RXRA: variants seen among roughly 807,000 people sequenced by gnomAD.
The protein encoded by RXRA is retinoic acid receptor RXR-alpha.
A neutral mutation model predicts 44.5 loss-of-function variants in RXRA; 5 were observed. The observed-to-expected ratio is 0.11, with a 90% CI of 0.06 to 0.24. The LOEUF (loss-of-function observed/expected upper bound fraction) is 0.24, where lower values mean the gene tolerates loss of function less well. RXRA is among the 10% of genes least tolerant of loss of function. RXRA has a pLI of 1.00. For missense variants in RXRA, 412 were observed against 646.5 expected (o/e 0.64, Z 3.93); for synonymous variants, 291 against 271.4 (o/e 1.07, Z -0.71).
intron 9 of RXRA, among the ~76,000 whole-genome samples, chr9:134,435,563 T>C (rs910875267): frequency 6.6e-6 from 1 of 152,184 alleles, no homozygotes; most frequent in Non-Finnish European, 1.5e-5. Flanking sequence ...CCCACAGCCC[T>C]GCACAAGGTG....
At chr9:134,367,976 T>C (rs1008790666) in intron 1 of RXRA, among the ~76,000 whole-genome samples, 3 of 152,256 alleles carry the variant, frequency 2.0e-5, no homozygotes, top group African/African-American at 7.2e-5. Context: ...GCTCGGCCGA[T>C]AAGCCGCTCC....
At chr9:134,386,106 G>C (rs1343193267) in intron 1 of RXRA, among the ~76,000 whole-genome samples, 2 of 152,244 alleles carry the variant, frequency 1.3e-5, no homozygotes, top group African/African-American at 4.8e-5. Context: ...AAGGGGAACT[G>C]GGCCGCCGGG....
intron 1 of RXRA, among the ~76,000 whole-genome samples, chr9:134,368,896 A>ATGTGTGGGGGGAGT (rs1830449574): frequency 3.1e-5 from 1 of 31,774 alleles, no homozygotes; most frequent in South Asian, 1.1e-3. Flanking sequence ...TGCAGGGGTT[A>ATGTGTGGGGGGAGT]TGTGTGTGTG....
chr9:134,382,906 G>A (rs965781416), intron 1 of RXRA, among the ~76,000 whole-genome samples: 5 of 152,188 alleles, frequency 3.3e-5, no homozygotes, highest in African/African-American at 1.2e-4. Context: ...TCGAGTTCTT[G>A]GAGCGTGCCG....
intron 1 of RXRA, among the ~76,000 whole-genome samples, chr9:134,392,601 T>A (rs1381814858): frequency 6.6e-6 from 1 of 152,174 alleles, no homozygotes. Context: ...CCCTCCTGAC[T>A]TCTGGGTCCC....
intron 1 of RXRA, among the ~76,000 whole-genome samples, chr9:134,391,622 G>C (rs1830801067): frequency 6.6e-6 from 1 of 152,162 alleles, no homozygotes; most frequent in Non-Finnish European, 1.5e-5. Flanking sequence ...TGGAAGGGAG[G>C]CTGCGCTGCC....
In RXRA at chr9:134,392,751, C is replaced by T. The variant is rs534609461; in HGVS notation, c.29-8881C>T. Among the ~76,000 whole-genome samples the T allele has an allele frequency of 1.6e-4, 25 of 152,296 alleles. No homozygotes were observed. In the East Asian group the frequency reaches 1.9e-3, roughly 12 times the overall value. On this transcript the variant is annotated intron_variant, in intron 1 of 9. Coordinates refer to ENST00000481739, the MANE Select transcript of RXRA (RefSeq NM_002957.6). ...CCTAAAAGGGCCAGCCTCAGATTTGCGGTCCCTGGTCCTGGCCCCTGGGTT... is the reference window on the plus strand; with the variant it reads ...CCTAAAAGGGCCAGCCTCAGATTTGTGGTCCCTGGTCCTGGCCCCTGGGTT...
In RXRA at chr9:134,365,224, C is replaced by A. The variant is rs777373277; in HGVS notation, c.29-36408C>A. Among the ~76,000 whole-genome samples the A allele has an allele frequency of 1.3e-5, 2 of 152,188 alleles. No homozygotes were observed. The highest frequency in any genetic ancestry group is 2.4e-5 in the African/African-American group (1 of 41,440). ...CCATCTCCCGGAGTTCTCTTGAGGG[C>A]CCCTGTCTTACGGATGAGGAGATAG... On this transcript the variant is annotated intron_variant, in intron 1 of 9. Transcript: ENST00000481739. The surrounding 1 kb of genome is among the most constrained non-coding windows in gnomAD (Gnocchi z 4.0).
intron 1 of RXRA, among the ~76,000 whole-genome samples, chr9:134,364,378 G>A (rs1000538353): frequency 6.6e-6 from 1 of 152,232 alleles, no homozygotes; most frequent in East Asian, 1.9e-4. Flanking sequence ...GCATTGATGG[G>A]CAGCTGACCC....
Position 134,406,961 on chromosome 9 carries a change from GC to G in RXRA, c.280-1186del, listed in dbSNP as rs1412003705. ...TGGGCATTTGGTGAGTCACACAGTG[GC>G]CACCCGCTTCTCCAGTGGGAGCTTC... On this transcript the variant is annotated intron_variant, in intron 2 of 9. Transcript: ENST00000481739. 3.9e-5 allele frequency among the ~76,000 whole-genome samples: 6 copies of G among 152,302 alleles called. No homozygotes were observed. In the East Asian group the frequency reaches 1.2e-3, roughly 29 times the overall value.
intron 4 of RXRA, among the ~76,000 whole-genome samples, chr9:134,411,867 G>C (rs1042878968): frequency 6.6e-6 from 1 of 152,180 alleles, no homozygotes; most frequent in Non-Finnish European, 1.5e-5. Context: ...CAGCCTGGCT[G>C]TGTGGGCTGC....
At chr9:134,347,871 C>T (rs1273728960) in intron 1 of RXRA, among the ~76,000 whole-genome samples, 5 of 152,062 alleles carry the variant, frequency 3.3e-5, no homozygotes, top group Non-Finnish European at 5.9e-5. Context: ...CTGGGCCTGT[C>T]CTGACAGTGG....
chr9:134,341,720 C>T (rs1230857752), intron 1 of RXRA, among the ~76,000 whole-genome samples: 2 of 152,208 alleles, frequency 1.3e-5, no homozygotes, highest in Admixed American at 6.5e-5. Context: ...TCTTCCCGCC[C>T]TCCATGGGGA....
chr9:134,338,369 G>A (rs1407517089), intron 1 of RXRA, among the ~76,000 whole-genome samples: 1 of 152,234 alleles, frequency 6.6e-6, no homozygotes, highest in Non-Finnish European at 1.5e-5. Flanking sequence ...CTCATGTCAG[G>A]GTGCCCCTGG....
chr9:134,435,734 G>A (rs923425525), intron 9 of RXRA, among the ~76,000 whole-genome samples: 15 of 152,122 alleles, frequency 9.9e-5, no homozygotes, highest in African/African-American at 3.1e-4. Context: ...ACCATGTGCC[G>A]GGCCTGTTCC....
chr9:134,401,139 AC>A (rs1399107749), intron 1 of RXRA, among the ~76,000 whole-genome samples: 1 of 152,240 alleles, frequency 6.6e-6, no homozygotes, highest in African/African-American at 2.4e-5. Flanking sequence ...CCACGAATTT[AC>A]CCACGCTCAG....
chr9:134,409,894 C>G (rs180906443), intron 4 of RXRA, among the ~76,000 whole-genome samples: 106 of 152,184 alleles, frequency 7.0e-4, no homozygotes, highest in Non-Finnish European at 1.2e-4. Context: ...GTCCCTGTCC[C>G]CCCGCTCTGC....
chr9:134,418,877 C>A (rs755633450), intron 5 of RXRA, among the ~76,000 whole-genome samples: 1 of 152,214 alleles, frequency 6.6e-6, no homozygotes, highest in African/African-American at 2.4e-5. Flanking sequence ...CACACAAGGC[C>A]GGCATCCCCA....
intron 1 of RXRA, among the ~76,000 whole-genome samples, chr9:134,396,110 A>T (rs950862198): frequency 6.6e-6 from 1 of 152,142 alleles, no homozygotes; most frequent in Non-Finnish European, 1.5e-5. Flanking sequence ...AGAAGGGGAG[A>T]CTGAGGCTCA....
Sources: gnomAD v4.1 joint callset for allele counts (sites outside exome capture counted in the v4.1 genomes callset) on GRCh38, gnomAD v4.1.1 for gene constraint, Gnocchi (gnomAD v3.1) non-coding constraint, MANE v1.5 for transcripts, NCBI Gene and HGNC (gene_info 2026-07-23, HGNC 2026-07-21) for gene names.